The following RAD51B variants were observed in gnomAD, a reference collection of about 807,000 sequenced individuals.
RAD51B encodes the protein RAD51 paralog B.
In RAD51B, 38 loss-of-function variants were observed where a neutral mutation model predicts 42.2. The observed-to-expected ratio is 0.90, with a 90% CI of 0.70 to 1.18. The LOEUF is 1.18. Among genes scored for constraint, RAD51B ranks in the 50% most tolerant of loss-of-function variants. The pLI, the probability that RAD51B is intolerant of heterozygous loss-of-function variation, is 0.00. For missense variants in RAD51B, 373 were observed against 400.7 expected (o/e 0.93, Z 0.59); for synonymous variants, 154 against 145.2 (o/e 1.06, Z -0.43).
intron 7 of RAD51B, among the ~76,000 whole-genome samples, chr14:68,005,588 G>T (rs1265404194): frequency 6.6e-6 from 1 of 152,044 alleles, no homozygotes; most frequent in East Asian, 1.9e-4. Flanking sequence ...ATTCTTGTTG[G>T]GCTTCGTATT....
intron 7 of RAD51B, among the ~76,000 whole-genome samples, chr14:67,916,208 A>G (rs1432206710): frequency 2.6e-5 from 4 of 152,210 alleles, no homozygotes; most frequent in African/African-American, 9.6e-5. Context: ...GTTAAATGCC[A>G]TCATATTTTA....
At chr14:68,480,002 A>G (rs1883047598), downstream of RAD51B, among the ~76,000 whole-genome samples, 1 of 151,532 alleles carries the variant, frequency 6.6e-6, no homozygotes, top group Admixed American at 6.6e-5. Context: ...TTCATTTCTA[A>G]AGGTTCTCAT....
intron 7 of RAD51B, among the ~76,000 whole-genome samples, chr14:68,160,515 GAGGCAAA>G (rs2078615734): frequency 2.0e-5 from 3 of 152,174 alleles, no homozygotes; most frequent in African/African-American, 7.2e-5. Context: ...ATTGGAGCCT[GAGGCAAA>G]ATGAAAGACC....
In RAD51B at chr14:68,530,042, C is replaced by T. The variant is rs190986761; in HGVS notation, c.1036+61792C>T. Among the ~76,000 whole-genome samples, 153 of 152,196 alleles carry T rather than the reference C, an allele frequency of 1.0e-3. 1 individual carries two copies. Among genetic ancestry groups the T allele is most frequent in the African/African-American group, 3.5e-3 (145 of 41,520 alleles). On this transcript the variant is annotated intron_variant, in intron 10 of 10. Transcript: ENST00000487270. ...GATAGTATTTAAGAAGCCACCAAAA[C>T]GTAGTGCAAGTCAGAGTTAAGGGCA...
intron 5 of RAD51B, among the ~76,000 whole-genome samples, chr14:67,874,230 A>C (rs906816221): frequency 2.6e-5 from 4 of 152,218 alleles, no homozygotes; most frequent in Non-Finnish European, 4.4e-5. Context: ...CATGTCTTTT[A>C]GAAGATAGTA....
intron 8 of RAD51B, among the ~76,000 whole-genome samples, chr14:68,372,077 T>C (rs979627865): frequency 6.6e-6 from 1 of 152,132 alleles, no homozygotes; most frequent in African/African-American, 2.4e-5. Flanking sequence ...GAGTGTGCTT[T>C]TTCTGGAAGC....
intron 4 of RAD51B, among the ~76,000 whole-genome samples, chr14:67,862,498 C>G (rs1410465986): frequency 6.6e-6 from 1 of 151,394 alleles, no homozygotes; most frequent in Admixed American, 6.6e-5. Context: ...GATTCGTCTG[C>G]AAGAACAATC....
At chr14:67,839,325 G>A (rs948301027) in intron 4 of RAD51B, among the ~76,000 whole-genome samples, 59 of 151,954 alleles carry the variant, frequency 3.9e-4, no homozygotes, top group Admixed American at 2.0e-3. Flanking sequence ...TTTTCCTTCT[G>A]AGAAGATTTT....
At chr14:67,836,867 G>A (rs571581181) in intron 4 of RAD51B, among the ~76,000 whole-genome samples, 1 of 152,270 alleles carries the variant, frequency 6.6e-6, no homozygotes, top group East Asian at 1.9e-4. Context: ...CATAGACAAT[G>A]TTTATCAATA....
intron 7 of RAD51B, among the ~76,000 whole-genome samples, chr14:67,989,619 G>T (rs1162605655): frequency 6.6e-5 from 7 of 105,938 alleles, no homozygotes; most frequent in Non-Finnish European, 1.2e-4. Flanking sequence ...TGGGCAACAA[G>T]AGCGAAACTC....
chr14:68,419,357 G>A (rs2084640773), intron 9 of RAD51B, among the ~76,000 whole-genome samples: 1 of 151,760 alleles, frequency 6.6e-6, no homozygotes, highest in African/African-American at 2.4e-5. Flanking sequence ...AAATTATTGG[G>A]TTTGCAGGTG....
intron 8 of RAD51B, among the ~76,000 whole-genome samples, chr14:68,377,619 C>T (rs1244906093): frequency 1.3e-5 from 2 of 152,250 alleles, no homozygotes; most frequent in East Asian, 3.8e-4. Context: ...CCATCTGCTT[C>T]CCTGTCTCTG....
At chr14:68,068,748 T>C (rs1056113501) in intron 7 of RAD51B, among the ~76,000 whole-genome samples, 1 of 152,216 alleles carries the variant, frequency 6.6e-6, no homozygotes, top group Non-Finnish European at 1.5e-5. Context: ...GCATGAAGAT[T>C]CCGATTCCTC....
In RAD51B at chr14:68,266,400, G is replaced by A. The variant is rs188802537; in HGVS notation, c.757-25484G>A. Among the ~76,000 whole-genome samples the A allele has an allele frequency of 2.8e-3, 428 of 152,272 alleles. 2 individuals are homozygous for A. The highest frequency in any genetic ancestry group is 9.3e-3 in the African/African-American group (387 of 41,570). Reference sequence around the variant, plus strand: ...AGAACTTTGCAAGCCCTGTTTGTTCGAATGGCTTCCAAGTATAGGGTAGGA... The same window carrying A: ...AGAACTTTGCAAGCCCTGTTTGTTCAAATGGCTTCCAAGTATAGGGTAGGA... On this transcript the variant is annotated intron_variant, in intron 7 of 10. Coordinates refer to ENST00000471583, the MANE Select transcript of RAD51B (RefSeq NM_133510.4).
intron 9 of RAD51B, among the ~76,000 whole-genome samples, chr14:68,438,364 A>G (rs1164488947): frequency 6.6e-6 from 1 of 152,114 alleles, no homozygotes; most frequent in East Asian, 1.9e-4. Flanking sequence ...GTTGTTCCTG[A>G]GGCAAATGAG....
At chr14:68,574,898 G>A (rs1458214251) in intron 10 of RAD51B, among the ~76,000 whole-genome samples, 3 of 152,200 alleles carry the variant, frequency 2.0e-5, no homozygotes, top group Non-Finnish European at 4.4e-5. Context: ...GTGTGGGGGG[G>A]ATTGGGGAAA....
intron 8 of RAD51B, among the ~76,000 whole-genome samples, chr14:68,358,861 T>C (rs1465308820): frequency 6.6e-6 from 1 of 152,256 alleles, no homozygotes; most frequent in Non-Finnish European, 1.5e-5. Flanking sequence ...TAGCTTGTTT[T>C]ATGATTATAT....
intron 7 of RAD51B, among the ~76,000 whole-genome samples, chr14:68,140,316 T>A (rs1408065583): frequency 1.3e-5 from 2 of 152,184 alleles, no homozygotes; most frequent in Admixed American, 6.5e-5. Context: ...GCAACTCAGC[T>A]GGTGTGCAGG....
intron 7 of RAD51B, among the ~76,000 whole-genome samples, chr14:67,900,083 T>G (rs1282119232): frequency 6.6e-6 from 1 of 152,262 alleles, no homozygotes; most frequent in Non-Finnish European, 1.5e-5. Context: ...GCTTTATGCT[T>G]TGATTGCTGC....
Sources: allele counts gnomAD v4.1 joint callset (sites outside exome capture counted in the v4.1 genomes callset), GRCh38; gene constraint gnomAD v4.1.1; transcripts MANE v1.5; gene names NCBI Gene and HGNC (gene_info 2026-07-23, HGNC 2026-07-21).